The following CYP3A7 variants were observed in gnomAD, a reference collection of about 807,000 sequenced individuals.
CYP3A7 encodes cytochrome P450 3A7.
CYP3A7 carries 45 observed loss-of-function variants against 55.2 expected under a neutral mutation model. The ratio of observed to expected loss-of-function variants is 0.82; its 90% CI spans 0.64 to 1.05. The LOEUF (loss-of-function observed/expected upper bound fraction) is 1.05. Ranked by LOEUF, CYP3A7 falls within the 50% of genes least tolerant of loss-of-function variation. The pLI is 0.00. For missense variants in CYP3A7, 548 were observed against 605.3 expected, an observed-to-expected ratio of 0.91 and a Z score of 0.99; for synonymous variants, 180 against 207.4, an observed-to-expected ratio of 0.87 and a Z score of 1.13.
chr7:99,721,942 C>T (rs1814216872), intron 3 of CYP3A7, among the ~76,000 whole-genome samples: 1 of 152,200 alleles, frequency 6.6e-6, no homozygotes, highest in South Asian at 2.1e-4. Flanking sequence ...GCAAGGACAC[C>T]TGCCCAGCAA....
chr7:99,732,722 C>G (rs1396996428), intron 1 of CYP3A7, among the ~76,000 whole-genome samples: 1 of 152,176 alleles, frequency 6.6e-6, no homozygotes, highest in African/African-American at 2.4e-5. Context: ...GTCCCACAAG[C>G]TTGGCCCCAG....
At chr7:99,710,506 G>A (rs752644637) in intron 10 of CYP3A7, among the ~76,000 whole-genome samples, 2 of 152,206 alleles carry the variant, frequency 1.3e-5, no homozygotes, top group African/African-American at 4.8e-5. Flanking sequence ...TGTGGTAACA[G>A]AAAGCAGATG....
intron 2 of CYP3A7, 71 bp from the exon 3 acceptor site, chr7:99,722,419 G>A: frequency 1.3e-6 from 2 of 1,569,764 alleles, no homozygotes; most frequent in Admixed American, 3.4e-5. Context: ...AATTGGGGTT[G>A]AAAACAGTCA....
chr7:99,727,455 T>G (rs972587195), intron 2 of CYP3A7, among the ~76,000 whole-genome samples: 8 of 152,112 alleles, frequency 5.3e-5, no homozygotes, highest in African/African-American at 1.7e-4. Context: ...CTCTGTTGAG[T>G]CTCCCACAAT....
chr7:99,730,898 G>T, intron 2 of CYP3A7, 161 bp downstream of exon 2: 1 of 886,692 alleles, frequency 1.1e-6, no homozygotes, highest in Non-Finnish European at 1.7e-6. Context: ...TAGCAAGAGA[G>T]CCCCAGGGTA....
intron 2 of CYP3A7, among the ~76,000 whole-genome samples, chr7:99,724,348 C>G (rs1394713581): frequency 6.6e-6 from 1 of 152,134 alleles, no homozygotes; most frequent in Non-Finnish European, 1.5e-5. Context: ...TCTTATAAGA[C>G]CTGGATGATT....
chr7:99,715,967 C>A, intron 6 of CYP3A7, 61 bp from the exon 7 acceptor site: 4 of 1,611,384 alleles, frequency 2.5e-6, no homozygotes, highest in Middle Eastern at 2.1e-4. Flanking sequence ...TTCCTCTATG[C>A]GTGCAGCAGG....
intron 7 of CYP3A7, 29 bp from the exon 8 acceptor site, chr7:99,714,711 G>A (rs986220279): frequency 4.4e-6 from 7 of 1,604,324 alleles, no homozygotes; most frequent in Admixed American, 3.4e-5. Flanking sequence ...AACAGAAAAC[G>A]AAACCATTGT....
chr7:99,731,865 T>C (rs1437137790), intron 1 of CYP3A7, among the ~76,000 whole-genome samples: 3 of 152,164 alleles, frequency 2.0e-5, no homozygotes, highest in Non-Finnish European at 4.4e-5. Context: ...GAGGATCTGA[T>C]TGATTTGAGC....
chr7:99,729,249 A>T (rs1197143485), intron 2 of CYP3A7, among the ~76,000 whole-genome samples: 1 of 152,140 alleles, frequency 6.6e-6, no homozygotes, highest in Non-Finnish European at 1.5e-5. Context: ...ATCACCAATT[A>T]TTCTATACAA....
At chr7:99,721,469 A>G (rs898076118) in intron 3 of CYP3A7, among the ~76,000 whole-genome samples, 3 of 152,212 alleles carry the variant, frequency 2.0e-5, no homozygotes, top group African/African-American at 7.2e-5. Context: ...ATTTATGAGC[A>G]CATATTCGAA....
intron 1 of CYP3A7, among the ~76,000 whole-genome samples, chr7:99,731,547 C>T (rs187782793): frequency 3.3e-5 from 5 of 152,310 alleles, no homozygotes; most frequent in Admixed American, 3.3e-4. Context: ...GAAAGAGTGA[C>T]AATTTTTCTT....
rs1489712029 is a variant in CYP3A7, at chr7:99,714,578, C to T, written c.775G>A (p.Gly259Ser). 2 of 1,612,708 alleles carry T rather than the reference C, an allele frequency of 1.2e-6. No homozygotes were observed. The highest frequency in any genetic ancestry group is 1.7e-6 in the Non-Finnish European group (2 of 1,179,384). Reference protein sequence around the residue: ...LTKSVKQIKEGRLKETQKHRV... With the variant: ...LTKSVKQIKESRLKETQKHRV... ...ACCTTTTGTGTCTCTTTGAGGCGACCTTCTTTTATCTGTTTTACAGATTTT... is the reference window on the plus strand; with the variant it reads ...ACCTTTTGTGTCTCTTTGAGGCGACTTTCTTTTATCTGTTTTACAGATTTT... The change falls in exon 8 of 13, where the codon GGT (glycine) becomes AGT (serine). Residue 259 changes from glycine (G) to serine (S), a missense_variant. Coordinates refer to ENST00000336374, the MANE Select transcript of CYP3A7 (RefSeq NM_000765.5).
Position 99,735,122 on chromosome 7 carries a change from C to G in CYP3A7, c.-29G>C. ...TACTTTCCTTCCTTATCTCTCTCCT[C>G]TGAGTCTTTTTTTCAGCAGCGTGCT... On this transcript the variant is annotated 5_prime_UTR_variant, in exon 1 of 13. Transcript: ENST00000336374. The G allele has an allele frequency of 6.2e-7, 1 of 1,613,608 alleles. No individual in the cohort carries two copies.
intron 4 of CYP3A7, 100 bp from the exon 5 acceptor site, chr7:99,717,739 T>G: frequency 7.0e-7 from 1 of 1,420,560 alleles, no homozygotes. Context: ...TAACAAATAT[T>G]TAGTGACTGT....
chr7:99,726,113 C>T (rs1814400571), intron 2 of CYP3A7, among the ~76,000 whole-genome samples: 4 of 152,146 alleles, frequency 2.6e-5, no homozygotes, highest in African/African-American at 7.2e-5. Flanking sequence ...CTTCCCAACC[C>T]AAAGCCTCCT....
chr7:99,714,489 T>A, intron 8 of CYP3A7, 66 bp downstream of exon 8: 4 of 1,598,242 alleles, frequency 2.5e-6, no homozygotes, highest in Non-Finnish European at 3.4e-6. Context: ...AGTGCACCGA[T>A]CATATGTATA....
At chr7:99,723,633 C>G (rs138408057) in intron 2 of CYP3A7, among the ~76,000 whole-genome samples, 1 of 152,136 alleles carries the variant, frequency 6.6e-6, no homozygotes, top group Non-Finnish European at 1.5e-5. Context: ...CCCCTGTCCT[C>G]GCCCTCACTC....
rs545940540 is a variant in CYP3A7, at chr7:99,720,369, C to A, written c.262G>T (p.Asp88Tyr). ...TTCACTAGCACTGTTTTGATCATGT[C>A]GGGATCTGTGATAGCCAGCATAGGC... ...QQPMLAITDP[D>Y]MIKTVLVKEC... Residue 88 changes from aspartate (D) to tyrosine (Y), a missense_variant, in exon 4 of 13, where the codon GAC becomes TAC. Transcript: ENST00000336374. The A allele has an allele frequency of 1.2e-6, 2 of 1,613,704 alleles. No individual in the cohort carries two copies. The highest frequency in any genetic ancestry group is 2.7e-5 in the African/African-American group (2 of 75,008).
Sources: gnomAD v4.1 joint callset for allele counts (sites outside exome capture counted in the v4.1 genomes callset) on GRCh38, gnomAD v4.1.1 for gene constraint, MANE v1.5 for transcripts, NCBI Gene and HGNC (gene_info 2026-07-23, HGNC 2026-07-21) for gene names.